SLC2A13: variants seen among roughly 807,000 people sequenced by gnomAD.
The protein encoded by SLC2A13 is proton myo-inositol cotransporter.
A neutral mutation model predicts 64.4 loss-of-function variants in SLC2A13; 32 were observed. The observed-to-expected ratio is 0.50, with a 90% CI of 0.37 to 0.67. SLC2A13 has a LOEUF of 0.67. Among genes scored for constraint, SLC2A13 ranks in the 30% least tolerant of loss-of-function variants. SLC2A13 has a pLI of 0.00. For missense variants in SLC2A13, 743 were observed against 829.2 expected (o/e 0.90, Z 1.28); for synonymous variants, 338 against 327.1 (o/e 1.03, Z -0.36).
intron 7 of SLC2A13, among the ~76,000 whole-genome samples, chr12:39,824,602 C>T (rs770655364): frequency 1.3e-5 from 2 of 152,146 alleles, no homozygotes; most frequent in Non-Finnish European, 2.9e-5. Context: ...CTGAGGTGGA[C>T]GTGTCTCCTG....
intron 4 of SLC2A13, among the ~76,000 whole-genome samples, chr12:39,940,424 T>C (rs1945999687): frequency 3.9e-5 from 6 of 152,122 alleles, no homozygotes; most frequent in Admixed American, 3.9e-4. Flanking sequence ...TTTTTTTTAA[T>C]ACCAGCTGTG....
chr12:39,867,350 T>C (rs1026908887), intron 5 of SLC2A13, among the ~76,000 whole-genome samples: 5 of 152,086 alleles, frequency 3.3e-5, no homozygotes, highest in Non-Finnish European at 5.9e-5. Flanking sequence ...CTAGCACATA[T>C]CCAGTAAGGT....
Position 39,984,330 on chromosome 12 carries a change from A to T in SLC2A13, c.926-32965T>A, listed in dbSNP as rs1441859614. ...TGTACCCTAAAACTTAAAGTATAAT[A>T]AAAAAAAAAGTGCTTATAAAATATG... On this transcript the variant is annotated intron_variant, in intron 3 of 9. Transcript: ENST00000280871. Among the ~76,000 whole-genome samples the T allele has an allele frequency of 6.7e-5, 10 of 148,522 alleles. No homozygotes were observed. In the East Asian group the frequency reaches 1.0e-3, roughly 15 times the overall value.
chr12:39,945,641 T>C (rs1946119967), intron 4 of SLC2A13, among the ~76,000 whole-genome samples: 1 of 152,184 alleles, frequency 6.6e-6, no homozygotes, highest in South Asian at 2.1e-4. Flanking sequence ...TTCAATTCTG[T>C]TTCTGACACT....
intron 4 of SLC2A13, among the ~76,000 whole-genome samples, chr12:39,924,161 A>G (rs950681703): frequency 6.6e-6 from 1 of 152,198 alleles, no homozygotes; most frequent in African/African-American, 2.4e-5. Context: ...TTTATAAAAT[A>G]TCCTATACTT....
chr12:39,896,510 ATG>A (rs1467005132), intron 4 of SLC2A13, among the ~76,000 whole-genome samples: 5 of 144,492 alleles, frequency 3.5e-5, no homozygotes, highest in South Asian at 2.2e-4. Context: ...ATGTATGTAC[ATG>A]TGTGTATACA....
At chr12:39,860,314 A>G (rs1943725039) in intron 6 of SLC2A13, among the ~76,000 whole-genome samples, 1 of 152,240 alleles carries the variant, frequency 6.6e-6, no homozygotes, top group East Asian at 1.9e-4. Context: ...TGCTGGGATT[A>G]AAAGCCTGAA....
chr12:39,925,279 T>A (rs144808114), intron 4 of SLC2A13, among the ~76,000 whole-genome samples: 7 of 152,196 alleles, frequency 4.6e-5, no homozygotes, highest in African/African-American at 1.7e-4. Context: ...GGGATCCTCC[T>A]GCCTCTACCT....
chr12:39,951,421 T>C (rs1446325013), intron 3 of SLC2A13, 56 bp from the exon 4 acceptor site: 1 of 1,405,858 alleles, frequency 7.1e-7, no homozygotes, highest in East Asian at 2.5e-5. Flanking sequence ...GCTCTCATAG[T>C]AATTATTCCC....
At chr12:39,910,205 CTATT>C (rs1431431613) in intron 4 of SLC2A13, among the ~76,000 whole-genome samples, 2 of 152,036 alleles carry the variant, frequency 1.3e-5, no homozygotes, top group African/African-American at 2.4e-5. Context: ...GAAAGTGCTA[CTATT>C]TATTATGACA....
At chr12:40,068,358 T>G in intron 1 of SLC2A13, 1 of 367,894 alleles carries the variant, frequency 2.7e-6, no homozygotes. Flanking sequence ...CAGTCCAGTA[T>G]TATTACCACT....
At chr12:40,073,581 G>C (rs1387404969) in intron 1 of SLC2A13, among the ~76,000 whole-genome samples, 1 of 151,854 alleles carries the variant, frequency 6.6e-6, no homozygotes, top group East Asian at 1.9e-4. Context: ...CAAGTCTACT[G>C]GCAACAAATT....
intron 4 of SLC2A13, chr12:39,949,695 C>T (rs949325011): frequency 3.9e-5 from 6 of 152,136 alleles, no homozygotes; most frequent in African/African-American, 1.4e-4. Flanking sequence ...ACTTTCTATG[C>T]TTTTATACTT....
chr12:39,937,576 T>C (rs1480769635), intron 4 of SLC2A13, among the ~76,000 whole-genome samples: 7 of 152,158 alleles, frequency 4.6e-5, no homozygotes, highest in Non-Finnish European at 8.8e-5. Flanking sequence ...GTGAAATATA[T>C]AATTCAGAAA....
At chr12:39,849,837 T>A (rs763893993) in intron 6 of SLC2A13, among the ~76,000 whole-genome samples, 1 of 152,196 alleles carries the variant, frequency 6.6e-6, no homozygotes, top group Non-Finnish European at 1.5e-5. Flanking sequence ...TTGCATTATA[T>A]GGCTACTCCC....
At chr12:39,842,503 A>G (rs1322057183) in intron 6 of SLC2A13, among the ~76,000 whole-genome samples, 1 of 152,062 alleles carries the variant, frequency 6.6e-6, no homozygotes, top group Non-Finnish European at 1.5e-5. Context: ...GGAAACTTGT[A>G]TTGTCTTGTG....
At chr12:39,971,623 A>G (rs1241765826) in intron 3 of SLC2A13, among the ~76,000 whole-genome samples, 2 of 152,266 alleles carry the variant, frequency 1.3e-5, no homozygotes, top group African/African-American at 2.4e-5. Context: ...GACACACTCT[A>G]TAACAATCCA....
At chr12:39,866,092 A>C (rs1943903669) in intron 5 of SLC2A13, among the ~76,000 whole-genome samples, 1 of 152,248 alleles carries the variant, frequency 6.6e-6, no homozygotes, top group African/African-American at 2.4e-5. Flanking sequence ...AAATAAGTTT[A>C]AAACATGGAA....
chr12:40,097,439 G>T (rs1354942081), intron 1 of SLC2A13, among the ~76,000 whole-genome samples: 1 of 152,006 alleles, frequency 6.6e-6, no homozygotes, highest in Non-Finnish European at 1.5e-5. Context: ...AGCAACCAAT[G>T]GAATGAAAGA....
Sources: allele counts gnomAD v4.1 joint callset (sites outside exome capture counted in the v4.1 genomes callset), GRCh38; gene constraint gnomAD v4.1.1; transcripts MANE v1.5; gene names NCBI Gene and HGNC (gene_info 2026-07-23, HGNC 2026-07-21).